Variants in RBFOX1 observed in about 807,000 individuals in gnomAD.
RBFOX1 encodes RNA binding fox-1 homolog 1.
A neutral mutation model predicts 57.7 loss-of-function variants in RBFOX1; 8 were observed. The observed-to-expected ratio is 0.14, with a 90% CI of 0.08 to 0.25. RBFOX1 has a LOEUF of 0.25. RBFOX1 is among the 10% of genes least tolerant of loss of function. The probability of loss-of-function intolerance (pLI) is 1.00; values close to 1 mark genes in which losing one functional copy is unlikely to be tolerated. For missense variants in RBFOX1, 611 were observed against 548.5 expected, an observed-to-expected ratio of 1.11 and a Z score of -1.14; for synonymous variants, 326 against 222.4, an observed-to-expected ratio of 1.47 and a Z score of -4.15.
intron 3 of RBFOX1, among the ~76,000 whole-genome samples, chr16:6,961,438 T>C (rs181210605): frequency 8.5e-5 from 13 of 152,322 alleles, no homozygotes; most frequent in Admixed American, 7.8e-4. Context: ...AGATTGTTGC[T>C]TTTGTTATCA....
intron 1 of RBFOX1, chr16:5,260,611 A>G (rs2062709445): frequency 1.3e-5 from 2 of 152,268 alleles, no homozygotes; most frequent in Admixed American, 1.3e-4. Context: ...AGAAGTCTTT[A>G]CAGTTGACTG....
rs13338003 is a variant in RBFOX1, at chr16:5,250,643, C to G, written c.219+10538C>G. Among the ~76,000 whole-genome samples the G allele has an allele frequency of 1.2e-3, 180 of 152,306 alleles. 1 individual carries two copies. The highest frequency in any genetic ancestry group is 4.2e-3 in the African/African-American group (173 of 41,552). On this transcript the variant is annotated intron_variant, in intron 1 of 2. Transcript: ENST00000585867. ...AAAATGGAATAATGCTATATTCATT[C>G]TTCGGAAAGCCTGCTTTTCAGGCAG... is the stretch of plus-strand genomic sequence containing the variant.
intron 3 of RBFOX1, among the ~76,000 whole-genome samples, chr16:5,786,317 C>G (rs1223457391): frequency 6.6e-6 from 1 of 152,104 alleles, no homozygotes; most frequent in African/African-American, 2.4e-5. Context: ...TCTGACCTCC[C>G]AAGTCCAGGA....
chr16:7,071,037 A>C lies in RBFOX1; in HGVS notation c.27+18939A>C, dbSNP rs528371952. Among the ~76,000 whole-genome samples the C allele has an allele frequency of 6.6e-5, 10 of 152,288 alleles. No homozygotes were observed. The Middle Eastern group carries it at 0.01, about 155-fold the overall frequency. On this transcript the variant is annotated intron_variant, in intron 4 of 15. Transcript: ENST00000550418. The stretch of plus-strand genomic sequence containing the variant: ...TTGCCATTAAGAGAAATGAACTTCA[A>C]AAAACAGCATAGCCCTTCACAAGCC...
intron 2 of RBFOX1, among the ~76,000 whole-genome samples, chr16:6,514,709 C>T (rs1037520591): frequency 1.3e-5 from 2 of 152,130 alleles, no homozygotes; most frequent in South Asian, 4.2e-4. Flanking sequence ...TACCCTCCTC[C>T]ATAGTCATGA....
At chr16:5,570,439 A>T (rs1356913284) in intron 2 of RBFOX1, among the ~76,000 whole-genome samples, 2 of 152,164 alleles carry the variant, frequency 1.3e-5, no homozygotes, top group African/African-American at 4.8e-5. Context: ...TAGAATGCTT[A>T]GGTCCCTGGC....
intron 1 of RBFOX1, among the ~76,000 whole-genome samples, chr16:6,275,138 C>T (rs1036293796): frequency 6.6e-6 from 1 of 152,048 alleles, no homozygotes; most frequent in Non-Finnish European, 1.5e-5. Context: ...TATCTGCAAG[C>T]TTCAGGGCTT....
chr16:7,321,140 T>TACATATACATATAC (rs1568198500), intron 4 of RBFOX1, among the ~76,000 whole-genome samples: 1 of 152,096 alleles, frequency 6.6e-6, no homozygotes, highest in Non-Finnish European at 1.5e-5. Flanking sequence ...CTTATACTTA[T>TACATATACATATAC]ATTGTTTGTT....
intron 4 of RBFOX1, among the ~76,000 whole-genome samples, chr16:7,179,673 G>T (rs1001290900): frequency 1.3e-5 from 2 of 151,994 alleles, no homozygotes; most frequent in Non-Finnish European, 2.9e-5. Flanking sequence ...ATTTATTTGA[G>T]ATGCATTGTC....
intron 1 of RBFOX1, among the ~76,000 whole-genome samples, chr16:6,026,357 T>G (rs1219454106): frequency 6.6e-6 from 1 of 152,214 alleles, no homozygotes; most frequent in African/African-American, 2.4e-5. Context: ...AGGTTAGTGC[T>G]TTTCAGATCC....
In RBFOX1 at chr16:6,071,088, T is replaced by C. The variant is rs189187251; in HGVS notation, c.-127+51096T>C. On this transcript the variant is annotated intron_variant, in intron 1 of 15. Coordinates refer to ENST00000550418, the MANE Select transcript of RBFOX1 (RefSeq NM_018723.4). ...CTGTAACCCCAGCACTTTGGGAGGCTGAGGCTGGCAGATTGCCTGAGCACA... is the reference window on the plus strand; with the variant it reads ...CTGTAACCCCAGCACTTTGGGAGGCCGAGGCTGGCAGATTGCCTGAGCACA... 3.3e-3 allele frequency among the ~76,000 whole-genome samples: 500 copies of C among 152,282 alleles called. 3 individuals are homozygous for C. Among genetic ancestry groups the C allele is most frequent in the African/African-American group, 0.011 (458 of 41,570 alleles).
intron 4 of RBFOX1, among the ~76,000 whole-genome samples, chr16:7,197,849 A>T (rs1222405432): frequency 6.6e-6 from 1 of 152,168 alleles, no homozygotes; most frequent in African/African-American, 2.4e-5. Flanking sequence ...TTTCCGTGAA[A>T]TATCCAGAAT....
chr16:5,878,174 G>T (rs1412571150), intron 4 of RBFOX1, among the ~76,000 whole-genome samples: 1 of 152,194 alleles, frequency 6.6e-6, no homozygotes, highest in Non-Finnish European at 1.5e-5. Flanking sequence ...AAATCAGCTG[G>T]ACATGTGGAT....
chr16:6,873,849 T>G (rs979696538), intron 3 of RBFOX1: 2 of 152,128 alleles, frequency 1.3e-5, no homozygotes, highest in Admixed American at 6.5e-5. Flanking sequence ...ATTAAGTAAC[T>G]TGCATAAAGT....
In RBFOX1 at chr16:7,340,369, A is replaced by G. The variant is rs140153458; in HGVS notation, c.28-177778A>G. Among the ~76,000 whole-genome samples the G allele has an allele frequency of 4.2e-4, 64 of 152,316 alleles. No homozygotes were observed. The East Asian group carries it at 0.011, about 27-fold the overall frequency. On this transcript the variant is annotated intron_variant, in intron 4 of 15. Transcript: ENST00000550418. ...TCACTTGTTGCCATTGATCATATTT[A>G]CTAGGTAGTTTTATTGCCTTCCACT...
intron 4 of RBFOX1, among the ~76,000 whole-genome samples, chr16:7,415,208 A>C (rs1174657010): frequency 6.6e-6 from 1 of 152,226 alleles, no homozygotes; most frequent in Non-Finnish European, 1.5e-5. Flanking sequence ...CAAATGTCCC[A>C]GAGGCAGGAA....
At chr16:6,213,120 T>G (rs2097309327) in intron 1 of RBFOX1, among the ~76,000 whole-genome samples, 1 of 152,176 alleles carries the variant, frequency 6.6e-6, no homozygotes, top group Non-Finnish European at 1.5e-5. Flanking sequence ...AAAATGGAAG[T>G]CTTGTTATTG....
intron 3 of RBFOX1, among the ~76,000 whole-genome samples, chr16:7,027,698 TAGTC>T (rs2041392965): frequency 6.6e-6 from 1 of 152,208 alleles, no homozygotes; most frequent in Non-Finnish European, 1.5e-5. Flanking sequence ...AGAAGAGGAA[TAGTC>T]AGTTTGTTTT....
At chr16:7,448,273 C>T (rs1012009188) in intron 4 of RBFOX1, among the ~76,000 whole-genome samples, 2 of 151,710 alleles carry the variant, frequency 1.3e-5, no homozygotes, top group Non-Finnish European at 2.9e-5. Context: ...CTTCTGAGAA[C>T]TCTAAGGAAG....
Sources: gnomAD v4.1 joint callset for allele counts (sites outside exome capture counted in the v4.1 genomes callset) on GRCh38, gnomAD v4.1.1 for gene constraint, MANE v1.5 for transcripts, NCBI Gene and HGNC (gene_info 2026-07-23, HGNC 2026-07-21) for gene names.